UNC80: variants seen among roughly 807,000 people sequenced by gnomAD.
The protein encoded by UNC80 is protein unc-80 homolog.
Under a neutral mutation model 384.6 loss-of-function variants are expected in UNC80, and 164 were observed. The observed-to-expected ratio is 0.43, with a 90% CI of 0.38 to 0.49. The LOEUF is 0.49. Ranked by LOEUF, UNC80 falls within the 20% of genes least tolerant of loss-of-function variation. The pLI is 0.00. For synonymous variants in UNC80, 1,486 were observed against 1,527.8 expected (o/e 0.97, Z 0.64); for missense variants, 3,330 against 4,143.0 (o/e 0.80, Z 5.39).
At chr2:209,814,185 T>G (rs747487154) in intron 8 of UNC80, among the ~76,000 whole-genome samples, 1 of 152,132 alleles carries the variant, frequency 6.6e-6, no homozygotes, top group African/African-American at 2.4e-5. Context: ...ATCTGTAACA[T>G]AGGATTTTAC....
intron 11 of UNC80, 106 bp from the exon 12 acceptor site, chr2:209,818,887 A>G: frequency 1.5e-6 from 2 of 1,325,202 alleles, no homozygotes; most frequent in Non-Finnish European, 2.0e-6. Flanking sequence ...ATATTTTCAA[A>G]AACTACAGCT....
chr2:209,850,967 G>A (rs1418038167), intron 22 of UNC80, among the ~76,000 whole-genome samples: 1 of 151,988 alleles, frequency 6.6e-6, no homozygotes, highest in Non-Finnish European at 1.5e-5. Flanking sequence ...ATCTTGCTCT[G>A]TTCCCAAAGG....
chr2:209,903,915 C>T (rs1301391898), intron 28 of UNC80, among the ~76,000 whole-genome samples: 2 of 151,738 alleles, frequency 1.3e-5, no homozygotes, highest in Non-Finnish European at 1.5e-5. Context: ...CAGTCCCTCA[C>T]CGGTTAGTTG....
intron 51 of UNC80, among the ~76,000 whole-genome samples, chr2:209,960,395 G>A (rs980982402): frequency 6.6e-6 from 1 of 152,148 alleles, no homozygotes; most frequent in Non-Finnish European, 1.5e-5. Flanking sequence ...GCTAAAGGCC[G>A]TATTTGTGTT....
chr2:209,853,596 T>C (rs2082684920), intron 22 of UNC80, among the ~76,000 whole-genome samples: 1 of 152,076 alleles, frequency 6.6e-6, no homozygotes, highest in African/African-American at 2.4e-5. Context: ...TTAGAAAGGA[T>C]TGATTTCATC....
rs548501119 is a variant in UNC80, at chr2:209,998,337, A to T, written c.*2742A>T. ...AGTATTTGCTGCTTTCTAGAATTCTATTAGATAAGCTATGTCATTTTTCTG... is the reference window on the plus strand; with the variant it reads ...AGTATTTGCTGCTTTCTAGAATTCTTTTAGATAAGCTATGTCATTTTTCTG... On this transcript the variant is annotated 3_prime_UTR_variant, in exon 65 of 65. Transcript: ENST00000673920. The T allele has an allele frequency of 6.6e-6, 1 of 152,350 alleles. No homozygotes were observed. Among genetic ancestry groups the T allele is most frequent in the Non-Finnish European group, 1.5e-5 (1 of 68,024 alleles). The allele number at this position is 152,350 out of a possible 1,614,324, so 9.4% of individuals were successfully genotyped here. A position where few individuals can be genotyped will look rare whatever the true frequency, so the allele number is the denominator to read the frequency against.
At chr2:209,900,599 T>C (rs942646826) in intron 28 of UNC80, among the ~76,000 whole-genome samples, 3 of 152,180 alleles carry the variant, frequency 2.0e-5, no homozygotes, top group African/African-American at 7.2e-5. Context: ...CAATGGCCTG[T>C]AAGTGTTCAA....
chr2:209,937,676 G>A (rs1281604409), intron 42 of UNC80, 46 bp downstream of exon 42: 3 of 1,402,238 alleles, frequency 2.1e-6, no homozygotes, highest in Non-Finnish European at 2.0e-6. Context: ...TCATGTTGTT[G>A]GAGTAGATAT....
intron 7 of UNC80, among the ~76,000 whole-genome samples, chr2:209,812,849 G>T (rs1032757177): frequency 6.6e-5 from 10 of 152,134 alleles, no homozygotes; most frequent in Admixed American, 5.2e-4. Flanking sequence ...CTTTGTAGTA[G>T]AATTAAATTG....
intron 33 of UNC80, among the ~76,000 whole-genome samples, chr2:209,919,522 G>A (rs1428327409): frequency 6.6e-6 from 1 of 152,060 alleles, no homozygotes; most frequent in Non-Finnish European, 1.5e-5. Flanking sequence ...TATTTTAATT[G>A]CCACTTTGAA....
chr2:209,964,706 T>C (rs944635935), intron 51 of UNC80, among the ~76,000 whole-genome samples: 5 of 150,618 alleles, frequency 3.3e-5, no homozygotes, highest in Non-Finnish European at 5.9e-5. Flanking sequence ...GAGAATCGCT[T>C]GTACCGGGAG....
At chr2:209,827,339 A>G (rs1383507313) in intron 14 of UNC80, among the ~76,000 whole-genome samples, 1 of 152,146 alleles carries the variant, frequency 6.6e-6, no homozygotes, top group African/African-American at 2.4e-5. Context: ...AACATAATAA[A>G]CAAACATAAT....
Position 209,888,098 on chromosome 2 carries a change from T to A in UNC80, c.4114T>A (p.Leu1372Met). Residue 1372 changes from leucine (L) to methionine (M), a missense_variant, in exon 26 of 65, where the codon TTG becomes ATG. By Grantham distance (15) the Leu-to-Met change is conservative. This residue lies in a region of UNC80 where 801 missense variants were observed against 950.8 expected (regional missense o/e 0.84). Transcript: ENST00000673920. The stretch of plus-strand genomic sequence containing the variant: ...GTGCTCCTCACTGGCATTTTAGGAC[T>A]TGGAGAGCTGCAGACTTCGTTTGGA... ...PRPRTEPLVD[L>M]ESCRLRLDPE... 1 of 1,551,640 alleles carries A rather than the reference T, an allele frequency of 6.4e-7. No homozygotes were observed. Among genetic ancestry groups the A allele is most frequent in the Non-Finnish European group, 8.7e-7 (1 of 1,146,976 alleles).
chr2:209,984,885 G>T lies in UNC80; in HGVS notation c.9287G>T (p.Gly3096Val). The T allele has an allele frequency of 1.3e-6, 2 of 1,550,406 alleles. No homozygotes were observed. Among genetic ancestry groups the T allele is most frequent in the African/African-American group, 1.4e-5 (1 of 72,870 alleles). The change falls in exon 61 of 65, where the codon GGC becomes GTC. Residue 3096 changes from glycine (G) to valine (V), a missense_variant. By Grantham distance (109) the Gly-to-Val change is moderately radical. Around this residue, in one of 8 missense-constraint regions of UNC80, gnomAD observed 216 missense variants for 245.3 expected, o/e 0.88. Transcript: ENST00000673920. Reference sequence around the variant, plus strand: ...CCTAATGTCCTCGATGACTCCCAGGGCCTGGCCGCCGAGGGCAGCCTCTCT... The same window carrying T: ...CCTAATGTCCTCGATGACTCCCAGGTCCTGGCCGCCGAGGGCAGCCTCTCT... ...SEPNVLDDSQ[G>V]LAAEGSLSRV...
Position 209,853,690 on chromosome 2 carries a change from C to T in UNC80, c.3627+4067C>T, listed in dbSNP as rs1173107977. The stretch of plus-strand genomic sequence containing the variant: ...ACAGTTCAAGCAAAAGGTATGTCTA[C>T]TTCCTATATTTTTCAAGTGAAATAG... On this transcript the variant is annotated intron_variant, in intron 22 of 64. Transcript: ENST00000673920. Among the ~76,000 whole-genome samples the T allele has an allele frequency of 2.0e-5, 3 of 152,014 alleles. No homozygotes were observed. The East Asian group carries it at 5.8e-4, about 29-fold the overall frequency.
chr2:209,992,147 C>T lies in UNC80; in HGVS notation c.9315-19C>T, dbSNP rs1391415230. 6.5e-7 allele frequency: 1 copy of T among 1,550,340 alleles called. No individual in the cohort carries two copies. Among genetic ancestry groups the T allele is most frequent in the South Asian group, 1.2e-5 (1 of 84,012 alleles). ...CTGTACTCTCTCCGGGGTACACTAA[C>T]ACTGTTGATGCTTGGCAGGGTGGCA... On this transcript the variant is annotated intron_variant, in intron 61 of 64. Transcript: ENST00000673920.
chr2:209,936,675 T>TAC (rs1013809790), intron 40 of UNC80, among the ~76,000 whole-genome samples, 169 bp from the exon 41 acceptor site: 1 of 151,224 alleles, frequency 6.6e-6, no homozygotes, highest in East Asian at 1.9e-4. Context: ...TATACACATA[T>TAC]ACACACACAC....
intron 24 of UNC80, among the ~76,000 whole-genome samples, chr2:209,878,929 T>A (rs2085020632): frequency 6.6e-6 from 1 of 152,212 alleles, no homozygotes; most frequent in Admixed American, 6.5e-5. Context: ...CCTACTGCAT[T>A]GTTGCAGTCA....
chr2:209,926,513 A>C (rs2090446393), intron 35 of UNC80, among the ~76,000 whole-genome samples: 2 of 152,218 alleles, frequency 1.3e-5, no homozygotes, highest in Non-Finnish European at 2.9e-5. Context: ...GCAGTGGCTT[A>C]TGCCTGTAAT....
Sources: allele counts gnomAD v4.1 joint callset (sites outside exome capture counted in the v4.1 genomes callset), GRCh38; gene constraint gnomAD v4.1.1; regional missense constraint gnomAD v4.1.1; transcripts MANE v1.5; gene names NCBI Gene and HGNC (gene_info 2026-07-23, HGNC 2026-07-21).